The following EQTN variants were observed in gnomAD, a reference collection of about 807,000 sequenced individuals.
EQTN encodes equatorin.
EQTN carries 29 observed loss-of-function variants against 26.9 expected under a neutral mutation model. The observed-to-expected ratio is 1.08, with a 90% CI of 0.80 to 1.47. EQTN has a LOEUF of 1.47. Ranked by LOEUF, EQTN falls within the 40% of genes most tolerant of loss-of-function variation. EQTN has a pLI of 0.00. For missense variants in EQTN, 391 were observed against 346.1 expected, an observed-to-expected ratio of 1.13 and a Z score of -1.03; for synonymous variants, 129 against 120.0, an observed-to-expected ratio of 1.07 and a Z score of -0.49.
intron 5 of EQTN, 49 bp downstream of exon 5, chr9:27,290,970 T>G (rs1820222527): frequency 4.5e-6 from 7 of 1,567,172 alleles, no homozygotes; most frequent in African/African-American, 1.4e-5. Context: ...CTAAGTAAGA[T>G]TTTAGAAAAC....
Position 27,291,013 on chromosome 9 carries a change from C to T in EQTN, c.421+6G>A, listed in dbSNP as rs778699277. On this transcript the variant is annotated splice_donor_region_variant and intron_variant, in intron 5 of 7. Transcript: ENST00000380032. ...TTTCCCAAGCTACCTAGCTGTATGA[C>T]TTTACCTTTAGCTAACATTGTCCAA... 1.2e-6 allele frequency: 2 copies of T among 1,611,758 alleles called. No individual in the cohort carries two copies. Among genetic ancestry groups the T allele is most frequent in the South Asian group, 2.2e-5 (2 of 90,498 alleles).
intron 7 of EQTN, among the ~76,000 whole-genome samples, chr9:27,285,528 A>C (rs544302173): frequency 2.6e-5 from 4 of 152,346 alleles, no homozygotes; most frequent in Admixed American, 2.0e-4. Context: ...CCAATTTACT[A>C]AAACAGTAGA....
At chr9:27,289,541 G>T in intron 6 of EQTN, 131 bp downstream of exon 6, 1 of 590,528 alleles carries the variant, frequency 1.7e-6, no homozygotes, top group Non-Finnish European at 2.8e-6. Flanking sequence ...TAGAGAAAAG[G>T]TTTTTGTCAT....
In EQTN at chr9:27,286,263, A is replaced by G; in HGVS notation, c.581T>C (p.Phe194Ser). Residue 194 changes from phenylalanine (F) to serine (S), a missense_variant, in exon 7 of 8, where the codon TTT (phenylalanine) becomes TCT (serine). Transcript: ENST00000380032. ...LGISLMTLLLFVVLLAFCSAT... is the reference protein window; with the variant it reads ...LGISLMTLLLSVVLLAFCSAT... ...ACTACAGAATGCCAAGAGGACCACAAAGAGGAGGAGGGTCATCAACGAGAT... is the reference window on the plus strand; with the variant it reads ...ACTACAGAATGCCAAGAGGACCACAGAGAGGAGGAGGGTCATCAACGAGAT... The G allele has an allele frequency of 6.2e-7, 1 of 1,613,900 alleles. No individual in the cohort carries two copies. Among genetic ancestry groups the G allele is most frequent in the East Asian group, 2.2e-5 (1 of 44,892 alleles).
At position 27,296,735 on chromosome 9, in the gene EQTN, A is replaced by G. The variant is rs761152926; in HGVS notation, c.80T>C (p.Leu27Ser). The change falls in exon 2 of 8, where the codon TTG becomes TCG. Residue 27 changes from leucine to serine, a missense_variant. By Grantham distance (145) the Leu-to-Ser change is moderately radical (BLOSUM62 -2). Transcript: ENST00000380032. ...SSTLKPTIEA[L>S]PNVLPLNEDV... The stretch of plus-strand genomic sequence containing the variant: ...TTCATTTAAAGGTAGCACATTAGGC[A>G]ATGCTAAAAAAAAGTATCACACACC... 1.2e-6 allele frequency: 2 copies of G among 1,603,304 alleles called. No homozygotes were observed. The highest frequency in any genetic ancestry group is 4.5e-5 in the East Asian group (2 of 44,722).
intron 7 of EQTN, among the ~76,000 whole-genome samples, chr9:27,285,559 A>G (rs1417644558): frequency 1.3e-5 from 2 of 152,232 alleles, no homozygotes; most frequent in Non-Finnish European, 2.9e-5. Context: ...ATAAAATTTA[A>G]TAAGAAACAT....
In EQTN at chr9:27,286,328, C is replaced by A; in HGVS notation, c.516G>T (p.Gln172His). 2 of 1,602,988 alleles carry A rather than the reference C, an allele frequency of 1.2e-6. No individual in the cohort carries two copies. The highest frequency in any genetic ancestry group is 1.7e-6 in the Non-Finnish European group (2 of 1,174,244). ...SDVNATQGENQPDLEDLKIKI... is the reference protein window; with the variant it reads ...SDVNATQGENHPDLEDLKIKI... The stretch of plus-strand genomic sequence containing the variant: ...TGATCTTCAGATCCTCTAGATCTGG[C>A]TGATTTTCTCCCTGTGTAGCATTCA... The change falls in exon 7 of 8, where the codon CAG (glutamine) becomes CAT (histidine). Residue 172 changes from glutamine (Q) to histidine (H), a missense_variant. Physicochemically the swap from Gln to His is conservative, Grantham distance 24 (BLOSUM62 0). Transcript: ENST00000380032.
At chr9:27,291,116 CA>C (rs1242919694) in intron 4 of EQTN, 53 bp from the exon 5 acceptor site, 4 of 1,494,602 alleles carry the variant, frequency 2.7e-6, no homozygotes, top group East Asian at 2.3e-5. Flanking sequence ...AACAGGATAA[CA>C]AAATAATTTA....
chr9:27,292,195 C>G (rs1820250590), intron 4 of EQTN: 1 of 334,884 alleles, frequency 3.0e-6, no homozygotes, highest in Admixed American at 4.8e-5. Context: ...TCTACAAAAG[C>G]TCATTTCTCA....
intron 2 of EQTN, chr9:27,294,637 AT>A (rs948300480): frequency 5.2e-5 from 16 of 306,004 alleles, no homozygotes; most frequent in African/African-American, 3.4e-4. Context: ...CCAAGAAGCA[AT>A]TTTTGGAGAA....
chr9:27,289,994 G>T (rs2131306473), intron 5 of EQTN, among the ~76,000 whole-genome samples: 1 of 152,242 alleles, frequency 6.6e-6, no homozygotes, highest in South Asian at 2.1e-4. Flanking sequence ...CTTGTTTTAT[G>T]TGTGTTTCTG....
rs765989108 is a variant in EQTN at position 27,286,194 on chromosome 9, G to T, written c.635+15C>A. ...ATGCATTTGTTGTAAAGACTGCAGA[G>T]GTCTGCAGACTTACCTCAGATGCCT... On this transcript the variant is annotated intron_variant, in intron 7 of 7. Transcript: ENST00000380032. 4 of 1,612,150 alleles carry T rather than the reference G, an allele frequency of 2.5e-6. No homozygotes were observed.
At chr9:27,292,514 G>A in intron 3 of EQTN, 27 bp from the exon 4 acceptor site, 3 of 1,431,874 alleles carry the variant, frequency 2.1e-6, no homozygotes, top group Non-Finnish European at 2.9e-6. Context: ...AGAATTATCA[G>A]CATGTAAAAA....
chr9:27,291,137 A>ACACT (rs1820227412), intron 4 of EQTN, 74 bp from the exon 5 acceptor site: 2 of 1,340,042 alleles, frequency 1.5e-6, no homozygotes, highest in South Asian at 1.3e-5. Flanking sequence ...AGTTTGAGGA[A>ACACT]CATTCGTTTG....
Position 27,286,343 on chromosome 9 carries a change from T to C in EQTN, c.501A>G (p.Thr167=). 1 of 1,597,964 alleles carries C rather than the reference T, an allele frequency of 6.3e-7. No individual in the cohort carries two copies. The highest frequency in any genetic ancestry group is 8.5e-7 in the Non-Finnish European group (1 of 1,171,388). ...CTAGATCTGGCTGATTTTCTCCCTG[T>C]GTAGCATTCACATCAGACTCTGAAA... ...HPIPESDVNA[T]QGENQPDLED... Residue 167 remains threonine, a synonymous_variant, in exon 7 of 8, where the codon ACA becomes ACG. Transcript: ENST00000380032.
Position 27,295,174 on chromosome 9 carries a change from C to T in EQTN, c.203-772G>A, listed in dbSNP as rs1011198537. On this transcript the variant is annotated intron_variant, in intron 2 of 7. Coordinates refer to ENST00000380032, the MANE Select transcript of EQTN (RefSeq NM_020641.3). ...AACTGCACATAGACTAAATGTTCTCCCACAAGATAACAGATAAATTATGGA... is the reference window on the plus strand; with the variant it reads ...AACTGCACATAGACTAAATGTTCTCTCACAAGATAACAGATAAATTATGGA... Among the ~76,000 whole-genome samples, 8 of 152,212 alleles carry T rather than the reference C, an allele frequency of 5.3e-5. No individual in the cohort carries two copies. In the South Asian group the frequency reaches 1.7e-3, roughly 32 times the overall value.
At chr9:27,296,945 TAC>T (rs3832606) in intron 1 of EQTN, 33 bp downstream of exon 1, 180,249 of 1,604,084 alleles carry the variant, frequency 0.11, 10,768 homozygotes, top group East Asian at 0.2. Context: ...CCTTCTTACC[TAC>T]TATTTTTATA....
chr9:27,294,492 T>C, intron 2 of EQTN, 90 bp from the exon 3 acceptor site: 1 of 632,098 alleles, frequency 1.6e-6, no homozygotes, highest in Non-Finnish European at 2.6e-6. Context: ...TCTTAAAACA[T>C]GCACTAATTA....
At chr9:27,287,532 G>A (rs1587110184) in intron 6 of EQTN, among the ~76,000 whole-genome samples, 1 of 152,104 alleles carries the variant, frequency 6.6e-6, no homozygotes, top group African/African-American at 2.4e-5. Flanking sequence ...TTACAAGCGT[G>A]GGCAGCTTTT....
Sources: gnomAD v4.1 joint callset for allele counts (sites outside exome capture counted in the v4.1 genomes callset) on GRCh38, gnomAD v4.1.1 for gene constraint, MANE v1.5 for transcripts, NCBI Gene and HGNC (gene_info 2026-07-23, HGNC 2026-07-21) for gene names.